DGKG: variants seen among roughly 807,000 people sequenced by gnomAD.
DGKG encodes diacylglycerol kinase gamma, also known as DAG kinase gamma.
A neutral mutation model predicts 105.3 loss-of-function variants in DGKG; 78 were observed. The observed-to-expected ratio is 0.74, with a 90% CI of 0.62 to 0.89. DGKG has a LOEUF of 0.89. Ranked by LOEUF, DGKG falls within the 40% of genes least tolerant of loss-of-function variation. DGKG has a pLI of 0.00. For missense variants in DGKG, 958 were observed against 1,020.1 expected (o/e 0.94, Z 0.83); for synonymous variants, 346 against 367.1 (o/e 0.94, Z 0.66).
chr3:186,189,536 T>A (rs796752254), intron 21 of DGKG, among the ~76,000 whole-genome samples: 74 of 152,294 alleles, frequency 4.9e-4, no homozygotes, highest in African/African-American at 1.7e-3. Context: ...GGGATTTGAG[T>A]ACAAAGTACA....
chr3:186,178,183 G>T (rs894498030), intron 22 of DGKG, among the ~76,000 whole-genome samples: 1 of 152,138 alleles, frequency 6.6e-6, no homozygotes, highest in Non-Finnish European at 1.5e-5. Context: ...TGTTGTTTAC[G>T]CCACACAGTC....
intron 16 of DGKG, among the ~76,000 whole-genome samples, chr3:186,259,536 CA>C (rs1223144903): frequency 1.3e-5 from 2 of 152,214 alleles, no homozygotes; most frequent in East Asian, 3.8e-4. Context: ...GCTTTGGTGT[CA>C]GCCAACCAAA....
chr3:186,334,380 C>T (rs184541722), intron 1 of DGKG, among the ~76,000 whole-genome samples: 1 of 152,296 alleles, frequency 6.6e-6, no homozygotes, highest in East Asian at 1.9e-4. Context: ...TTTACTGGTT[C>T]ATTCCAGAAA....
At chr3:186,358,790 T>A (rs1727098008) in intron 1 of DGKG, among the ~76,000 whole-genome samples, 1 of 152,138 alleles carries the variant, frequency 6.6e-6, no homozygotes, top group Admixed American at 6.5e-5. Flanking sequence ...GTGAGGAAGC[T>A]GTTGCTGATG....
intron 20 of DGKG, among the ~76,000 whole-genome samples, chr3:186,213,344 C>G (rs958002557): frequency 2.0e-5 from 3 of 152,220 alleles, no homozygotes; most frequent in African/African-American, 7.2e-5. Flanking sequence ...ACAGGCTGAG[C>G]CCCAATGCCA....
chr3:186,165,161 T>TATGAAAA, intron 22 of DGKG, 143 bp from the exon 23 acceptor site: 1 of 829,646 alleles, frequency 1.2e-6, no homozygotes, highest in Non-Finnish European at 1.8e-6. Context: ...TCACTCTGAA[T>TATGAAAA]AGGGTGTTTC....
At chr3:186,306,040 T>C (rs1724219978) in intron 3 of DGKG, among the ~76,000 whole-genome samples, 2 of 152,182 alleles carry the variant, frequency 1.3e-5, no homozygotes, top group Admixed American at 6.5e-5. Context: ...GAGGATGACT[T>C]GACCAACCGT....
chr3:186,206,625 G>A (rs927550135), intron 21 of DGKG, among the ~76,000 whole-genome samples: 4 of 152,064 alleles, frequency 2.6e-5, no homozygotes, highest in African/African-American at 9.7e-5. Flanking sequence ...GTGAAATCAG[G>A]TTAGAATGAA....
At chr3:186,327,390 CTTT>C (rs36076414) in intron 1 of DGKG, among the ~76,000 whole-genome samples, 3 of 135,998 alleles carry the variant, frequency 2.2e-5, no homozygotes, top group Non-Finnish European at 3.1e-5. Flanking sequence ...TTTTCTTCTT[CTTT>C]TTTTTTTTTT....
At chr3:186,252,993 A>G in intron 18 of DGKG, 100 bp downstream of exon 18, 1 of 977,902 alleles carries the variant, frequency 1.0e-6, no homozygotes. Context: ...ATGCTGCGGA[A>G]TGTGATCCAT....
At chr3:186,259,989 A>T (rs1721682049) in intron 16 of DGKG, among the ~76,000 whole-genome samples, 1 of 152,158 alleles carries the variant, frequency 6.6e-6, no homozygotes, top group Non-Finnish European at 1.5e-5. Context: ...TCCTAAAATG[A>T]CCCCACAACG....
chr3:186,189,153 T>C (rs1057219477), intron 21 of DGKG, among the ~76,000 whole-genome samples: 1 of 152,216 alleles, frequency 6.6e-6, no homozygotes, highest in Non-Finnish European at 1.5e-5. Flanking sequence ...TATCTCTCTG[T>C]GAGAAGCACA....
chr3:186,249,266 C>G (rs1413516970), intron 19 of DGKG, among the ~76,000 whole-genome samples: 2 of 152,072 alleles, frequency 1.3e-5, no homozygotes, highest in African/African-American at 4.8e-5. Context: ...AAACTTGCTC[C>G]CAGTCTACCA....
intron 19 of DGKG, among the ~76,000 whole-genome samples, chr3:186,245,033 G>A (rs768636691): frequency 1.1e-4 from 16 of 152,002 alleles, no homozygotes; most frequent in Admixed American, 3.3e-4. Flanking sequence ...GGAGGGGGGC[G>A]GGGAAGAAAA....
At chr3:186,215,398 G>A (rs1719228961) in intron 20 of DGKG, among the ~76,000 whole-genome samples, 1 of 139,338 alleles carries the variant, frequency 7.2e-6, no homozygotes, top group South Asian at 2.3e-4. Context: ...GTGATAGAGT[G>A]AGACCCCCAT....
chr3:186,239,484 T>A (rs1475472459), intron 20 of DGKG, among the ~76,000 whole-genome samples: 1 of 152,252 alleles, frequency 6.6e-6, no homozygotes, highest in Non-Finnish European at 1.5e-5. Context: ...ACCACCTGCC[T>A]ATTTAAAACC....
intron 22 of DGKG, among the ~76,000 whole-genome samples, chr3:186,183,196 G>A (rs1717441748): frequency 6.6e-6 from 1 of 152,126 alleles, no homozygotes; most frequent in Admixed American, 6.5e-5. Flanking sequence ...TAGCCACTTG[G>A]GCTAGGCTAG....
In DGKG at chr3:186,284,784, GT is replaced by G; in HGVS notation, c.545-76del. The stretch of plus-strand genomic sequence containing the variant: ...ATGGCTGAAGTTTTGATGCTGCCAG[GT>G]TTTTAGATTAGTTCTGTCACCACTG... On this transcript the variant is annotated intron_variant, in intron 6 of 24. Coordinates refer to ENST00000265022, the MANE Select transcript of DGKG (RefSeq NM_001346.3). This position sits in a 1 kb window ranked among gnomAD's most constrained non-coding sequence, Gnocchi z 4.0. 8.1e-7 allele frequency: 1 copy of G among 1,240,008 alleles called. No individual in the cohort carries two copies. Among genetic ancestry groups the G allele is most frequent in the Non-Finnish European group, 1.2e-6 (1 of 842,000 alleles). The allele number at this position is 1,240,008 out of a possible 1,614,324, so 76.8% of individuals were successfully genotyped here.
chr3:186,288,240 C>T (rs779871591), intron 6 of DGKG, among the ~76,000 whole-genome samples: 7 of 152,170 alleles, frequency 4.6e-5, no homozygotes, highest in Admixed American at 1.3e-4. Context: ...TGGACAAAGG[C>T]TTATCAAGAC....
Sources: allele counts gnomAD v4.1 joint callset (sites outside exome capture counted in the v4.1 genomes callset), GRCh38; gene constraint gnomAD v4.1.1; non-coding constraint Gnocchi (gnomAD v3.1); transcripts MANE v1.5; gene names NCBI Gene and HGNC (gene_info 2026-07-23, HGNC 2026-07-21).